The following MBD4 variants were observed in gnomAD, a reference collection of about 807,000 sequenced individuals.
The protein encoded by MBD4 is methyl-CpG-binding domain protein 4.
Under a neutral mutation model 60.2 loss-of-function variants are expected in MBD4, and 53 were observed. That is an observed-to-expected ratio of 0.88 (90% CI 0.71 to 1.11). MBD4 has a LOEUF of 1.11. MBD4 is among the 50% of genes least tolerant of loss of function. The pLI, the probability that MBD4 is intolerant of heterozygous loss-of-function variation, is 0.00. For synonymous variants in MBD4, 231 were observed against 229.8 expected, an observed-to-expected ratio of 1.01 and a Z score of -0.05; for missense variants, 619 against 674.0, an observed-to-expected ratio of 0.92 and a Z score of 0.90.
Position 129,436,834 on chromosome 3 carries a change from T to C in MBD4, c.810A>G (p.Lys270=). ...CAACAGGTTCACTTTCAGCATCTGC[T>C]TTATTACACACAGATTCTCTTTTGC... ...SDSKRESVCN[K]ADAESEPVAQ... The change falls in exon 3 of 8, where the codon AAA becomes AAG. Residue 270 remains lysine, a synonymous_variant. Transcript: ENST00000429544. 1 of 1,614,196 alleles carries C rather than the reference T, an allele frequency of 6.2e-7. No individual in the cohort carries two copies.
At position 129,433,972 on chromosome 3, in the gene MBD4, G is replaced by C. The variant is rs772947874; in HGVS notation, c.1271C>G (p.Pro424Arg). The change falls in exon 5 of 8, where the codon CCA becomes CGA. Residue 424 changes from proline (P) to arginine (R), a missense_variant. Physicochemically the swap from Pro to Arg is moderately radical, Grantham distance 103. Transcript: ENST00000429544. ...CCATTTCTTAAAGGCTTTACGTCGT[G>C]GGGGGCTAAGAGCTAAACAAACATA... ...SKYNKEALSP[P>R]RRKAFKKWTP... 1.9e-6 allele frequency: 3 copies of C among 1,614,156 alleles called. No individual in the cohort carries two copies. Among genetic ancestry groups the C allele is most frequent in the South Asian group, 2.2e-5 (2 of 91,080 alleles).
rs148464573 is a variant in MBD4 at position 129,437,072 on chromosome 3, G to A, written c.572C>T (p.Pro191Leu). 177 of 1,614,038 alleles carry A rather than the reference G, an allele frequency of 1.1e-4. No homozygotes were observed. The highest frequency in any genetic ancestry group is 9.9e-4 in the Middle Eastern group (6 of 6,062). Residue 191 changes from proline to leucine, a missense_variant, in exon 3 of 8, where the codon CCG becomes CTG. Coordinates refer to ENST00000429544, the MANE Select transcript of MBD4 (RefSeq NM_001276270.2). Reference sequence around the variant, plus strand: ...CTGCAACTCTGAACTACTACTTGGCGGCATAAACACATCCTTTTTGCACTT... The same window carrying A: ...CTGCAACTCTGAACTACTACTTGGCAGCATAAACACATCCTTTTTGCACTT... ...RSKCKKDVFM[P>L]PSSSSELQES...
At chr3:129,432,275 T>TG (rs1289534146) in intron 7 of MBD4, 8 of 1,462,410 alleles carry the variant, frequency 5.5e-6, no homozygotes, top group Non-Finnish European at 6.3e-6. Context: ...GACAAACCAC[T>TG]GGAGATGAGT....
In MBD4 at chr3:129,436,896, A is replaced by G; in HGVS notation, c.748T>C (p.Cys250Arg). The change falls in exon 3 of 8, where the codon TGT (cysteine) becomes CGT (arginine). Residue 250 changes from cysteine (C) to arginine (R), a missense_variant. Cys to Arg is a radical substitution (Grantham distance 180). Coordinates refer to ENST00000429544, the MANE Select transcript of MBD4 (RefSeq NM_001276270.2). ...GIPIKKTKKG[C>R]RKSCSGFVQS... ...ACAAAACCTGAACAGCTCTTCCTACATCCTTTTTTAGTTTTCTTAATTGGG... is the reference window on the plus strand; with the variant it reads ...ACAAAACCTGAACAGCTCTTCCTACGTCCTTTTTTAGTTTTCTTAATTGGG... 6.2e-7 allele frequency: 1 copy of G among 1,614,024 alleles called. No homozygotes were observed. The highest frequency in any genetic ancestry group is 8.5e-7 in the Non-Finnish European group (1 of 1,179,984).
rs1017150664 is a variant in MBD4 at position 129,434,061 on chromosome 3, C to T, written c.1258+1G>A. 3 of 1,613,886 alleles carry T rather than the reference C, an allele frequency of 1.9e-6. No individual in the cohort carries two copies. In the African/African-American group the frequency reaches 4.0e-5, roughly 22 times the overall value. On this transcript the variant is annotated splice_donor_variant, in intron 4 of 7. Coordinates refer to ENST00000429544, the MANE Select transcript of MBD4 (RefSeq NM_001276270.2). LOFTEE classifies it high-confidence loss of function. ...TGCTGTTCTGATTGGGAAAGGGATA[C>T]CTTCTTTGTTATATTTGCTGGAAAA...
chr3:129,439,735 G>T lies in MBD4; in HGVS notation c.99C>A (p.Asp33Glu), dbSNP rs751290587. 1.1e-5 allele frequency: 17 copies of T among 1,582,274 alleles called. No homozygotes were observed. The Admixed American group carries it at 1.6e-4, about 15-fold the overall frequency. ...SERLVPDPPN[D>E]LRKEDVAMEL... ...AAAAGGGGACAGTAACTTACCGGAGGTCATTCGGCGGGTCTGGGACTAGGC... is the reference window on the plus strand; with the variant it reads ...AAAAGGGGACAGTAACTTACCGGAGTTCATTCGGCGGGTCTGGGACTAGGC... Residue 33 changes from aspartate to glutamate, a missense_variant, in exon 1 of 8, where the codon GAC (aspartate) becomes GAA (glutamate). Asp to Glu is a conservative substitution (Grantham distance 45, BLOSUM62 2). Transcript: ENST00000429544.
At chr3:129,439,606 C>T (rs2072675846) in intron 1 of MBD4, 124 bp downstream of exon 1, 1 of 752,702 alleles carries the variant, frequency 1.3e-6, no homozygotes, top group Non-Finnish European at 2.4e-6. Context: ...AGTAACTAAA[C>T]CCGTGGGCTT....
At position 129,437,057 on chromosome 3, in the gene MBD4, G is replaced by A. The variant is rs764948774; in HGVS notation, c.587C>T (p.Ser196Leu). 5 of 1,614,142 alleles carry A rather than the reference G, an allele frequency of 3.1e-6. No individual in the cohort carries two copies. In the East Asian group the frequency reaches 1.1e-4, roughly 36 times the overall value. The change falls in exon 3 of 8, where the codon TCA becomes TTA. Residue 196 changes from serine to leucine, a missense_variant. Physicochemically the swap from Ser to Leu is moderately radical, Grantham distance 145. Transcript: ENST00000429544. ...GAGTCCTCTGCTCTCCTGCAACTCT[G>A]AACTACTACTTGGCGGCATAAACAC... ...KDVFMPPSSS[S>L]ELQESRGLSN... is the part of the protein sequence containing the mutation.
chr3:129,432,199 G>T, intron 7 of MBD4: 1 of 1,399,658 alleles, frequency 7.1e-7, no homozygotes, highest in East Asian at 2.7e-5. Flanking sequence ...CTTTTGACAG[G>T]AGGAAAACCA....
chr3:129,431,290 ATAAT>A lies in MBD4; in HGVS notation c.*207_*210del. 1 of 526,452 alleles carries A rather than the reference ATAAT, an allele frequency of 1.9e-6. No individual in the cohort carries two copies. Among genetic ancestry groups the A allele is most frequent in the Non-Finnish European group, 3.4e-6 (1 of 296,942 alleles). 32.6% of individuals were successfully genotyped at this position (526,452 alleles called of 1,614,324 possible). A position where few individuals can be genotyped will look rare whatever the true frequency, so the allele number is the denominator to read the frequency against. ...ATTTTTTTTGGATTGTTGTCAAATAATAATTTATTTTAAAAAAATCTCAAAACAT... is the reference window on the plus strand; with the variant it reads ...ATTTTTTTTGGATTGTTGTCAAATAATTATTTTAAAAAAATCTCAAAACAT... On this transcript the variant is annotated 3_prime_UTR_variant, in exon 8 of 8. Coordinates refer to ENST00000429544, the MANE Select transcript of MBD4 (RefSeq NM_001276270.2).
chr3:129,433,316 T>A, intron 5 of MBD4, 69 bp from the exon 6 acceptor site: 1 of 1,523,130 alleles, frequency 6.6e-7, no homozygotes, highest in Non-Finnish European at 9.1e-7. Flanking sequence ...AAGTAGTTTC[T>A]CATAGAAATC....
intron 6 of MBD4, 120 bp downstream of exon 6, chr3:129,432,978 G>T: frequency 7.7e-7 from 1 of 1,302,296 alleles, no homozygotes; most frequent in South Asian, 1.2e-5. Flanking sequence ...TAAATGCCTT[G>T]GGTGCTTGAG....
At position 129,437,324 on chromosome 3, in the gene MBD4, A is replaced by C; in HGVS notation, c.336-16T>G. 6.3e-7 allele frequency: 1 copy of C among 1,596,656 alleles called. No individual in the cohort carries two copies. The highest frequency in any genetic ancestry group is 8.5e-7 in the Non-Finnish European group (1 of 1,175,746). ...TCCTTGTGGGCTAGAAAATGATATT[A>C]AAGGAAACTTACTGCTAGTAAATAG... On this transcript the variant is annotated splice_polypyrimidine_tract_variant and intron_variant, in intron 2 of 7. Coordinates refer to ENST00000429544, the MANE Select transcript of MBD4 (RefSeq NM_001276270.2).
rs1376015224 is a variant in MBD4 at position 129,433,153 on chromosome 3, A to C, written c.1488T>G (p.Leu496=). 1.2e-6 allele frequency: 2 copies of C among 1,614,218 alleles called. No homozygotes were observed. The highest frequency in any genetic ancestry group is 1.7e-6 in the Non-Finnish European group (2 of 1,180,030). Residue 496 remains leucine, a synonymous_variant, in exon 6 of 8, where the codon CTT becomes CTG. Coordinates refer to ENST00000429544, the MANE Select transcript of MBD4 (RefSeq NM_001276270.2). ...GATCGTAGAGACCAAGAGGTTTAAGAAGTTCTGACACATCTCTCCAGTCTG... is the reference window on the plus strand; with the variant it reads ...GATCGTAGAGACCAAGAGGTTTAAGCAGTTCTGACACATCTCTCCAGTCTG... ...RTADWRDVSE[L]LKPLGLYDLR...
At chr3:129,433,522 T>A (rs972814808) in intron 5 of MBD4, 1 of 586,122 alleles carries the variant, frequency 1.7e-6, no homozygotes, top group East Asian at 2.9e-5. Flanking sequence ...ATAATGAGAG[T>A]AGAAGCATAT....
In MBD4 at chr3:129,433,441, T is replaced by C. The variant is rs539818730; in HGVS notation, c.1394-194A>G. ...ATCAAATGCCAAAACTGCTAATATA[T>C]TGGGCTAATAGTCCAAATTATGCTG... On this transcript the variant is annotated intron_variant, in intron 5 of 7. Coordinates refer to ENST00000429544, the MANE Select transcript of MBD4 (RefSeq NM_001276270.2). 46 of 650,900 alleles carry C rather than the reference T, an allele frequency of 7.1e-5. No homozygotes were observed. The East Asian group carries it at 1.3e-3, about 18-fold the overall frequency. The allele number at this position is 650,900 out of a possible 1,614,324, so 40.3% of individuals were successfully genotyped here. A position where few individuals can be genotyped will look rare whatever the true frequency, so the allele number is the denominator to read the frequency against.
chr3:129,438,291 G>C (rs946224894), intron 1 of MBD4, among the ~76,000 whole-genome samples: 1 of 152,144 alleles, frequency 6.6e-6, no homozygotes, highest in Non-Finnish European at 1.5e-5. Flanking sequence ...AAGCTCTTAA[G>C]CACCAGAAAA....
intron 7 of MBD4, 93 bp from the exon 8 acceptor site, chr3:129,431,671 G>A (rs1050938219): frequency 1.1e-6 from 1 of 874,962 alleles, no homozygotes; most frequent in African/African-American, 1.6e-5. Context: ...GTTTGCTGGG[G>A]GACAGTACAT....
chr3:129,437,691 G>C, intron 2 of MBD4, 29 bp downstream of exon 2: 1 of 1,490,068 alleles, frequency 6.7e-7, no homozygotes, highest in Non-Finnish European at 9.4e-7. Context: ...TCATTTGGCT[G>C]TACTATCTTT....
Sources: gnomAD v4.1 joint callset for allele counts (sites outside exome capture counted in the v4.1 genomes callset) on GRCh38, gnomAD v4.1.1 for gene constraint, MANE v1.5 for transcripts, NCBI Gene and HGNC (gene_info 2026-07-23, HGNC 2026-07-21) for gene names.